The following SSX2IP variants were observed in gnomAD, a reference collection of about 807,000 sequenced individuals.
SSX2IP encodes afadin- and alpha-actinin-binding protein.
In SSX2IP, 55 loss-of-function variants were observed where a neutral mutation model predicts 84.9. That is an observed-to-expected ratio of 0.65 (90% confidence interval 0.52 to 0.81). The LOEUF is 0.81. Ranked by LOEUF, SSX2IP falls within the 30% of genes least tolerant of loss-of-function variation. The pLI, the probability that SSX2IP is intolerant of heterozygous loss-of-function variation, is 0.00. For missense variants in SSX2IP, 664 were observed against 705.2 expected (o/e 0.94, Z 0.66); for synonymous variants, 239 against 234.7 (o/e 1.02, Z -0.17).
Position 84,650,419 on chromosome 1 carries a change from G to C in SSX2IP, c.1613C>G (p.Pro538Arg). ...VCMSKLTKSLPASPSTSDFCQ... is the reference protein window; with the variant it reads ...VCMSKLTKSLRASPSTSDFCQ... ...AAAGTCTGAAGTGGAAGGTGAAGCA[G>C]GAAGAGATTTAGTAAGTTTAGACAT... is the stretch of plus-strand genomic sequence containing the variant. The change falls in exon 13 of 14, where the codon CCT (proline) becomes CGT (arginine). Residue 538 changes from proline (P) to arginine (R), a missense_variant. Coordinates refer to ENST00000342203, the MANE Select transcript of SSX2IP (RefSeq NM_001166293.2). The C allele has an allele frequency of 6.2e-7, 1 of 1,614,168 alleles. No individual in the cohort carries two copies. Among genetic ancestry groups the C allele is most frequent in the Non-Finnish European group, 8.5e-7 (1 of 1,180,020 alleles).
Position 84,669,788 on chromosome 1 carries a change from GC to G in SSX2IP, c.318del (p.Val108CysfsTer8). ...IVAVLNCMNE[L>X]LVLQRKNLLA... is the part of the protein sequence containing the mutation. The stretch of plus-strand genomic sequence containing the variant: ...AGAAGGTTCTTCCGCTGAAGCACAA[GC>G]AGCTCATTCATACAATTTAGTACAG... On this transcript the variant is annotated frameshift_variant, in exon 4 of 14. Transcript: ENST00000342203. LOFTEE classifies it high-confidence loss of function. The G allele has an allele frequency of 6.2e-7, 1 of 1,613,768 alleles. No homozygotes were observed. Among genetic ancestry groups the G allele is most frequent in the Non-Finnish European group, 8.5e-7 (1 of 1,179,774 alleles).
At chr1:84,665,594 G>A (rs1165832930) in intron 5 of SSX2IP, among the ~76,000 whole-genome samples, 3 of 151,748 alleles carry the variant, frequency 2.0e-5, no homozygotes, top group East Asian at 3.8e-4. Context: ...AACCACTAAA[G>A]TAGAAATTAG....
chr1:84,676,719 CTT>C (rs61017474), intron 1 of SSX2IP, among the ~76,000 whole-genome samples: 1,029 of 99,458 alleles, frequency 0.01, 11 homozygotes, highest in African/African-American at 0.036. Context: ...TGCTCTTTTC[CTT>C]TTTTTTTTTT....
At chr1:84,655,682 C>T in intron 11 of SSX2IP, 150 bp downstream of exon 11, 1 of 1,437,460 alleles carries the variant, frequency 7.0e-7, no homozygotes, top group Non-Finnish European at 9.2e-7. Flanking sequence ...ATATGCTCAG[C>T]CTCCCTCTCA....
chr1:84,658,241 C>T lies in SSX2IP; in HGVS notation c.1078+77G>A, dbSNP rs551407164. 7.8e-6 allele frequency: 12 copies of T among 1,547,430 alleles called. No individual in the cohort carries two copies. The African/African-American group carries it at 1.1e-4, about 14-fold the overall frequency. On this transcript the variant is annotated intron_variant, in intron 9 of 13. Transcript: ENST00000342203. The stretch of plus-strand genomic sequence containing the variant: ...GTACTTTAGCTCTGAGCCTATAATG[C>T]GGCTTTCTAAGTGACTAAAAATCAA...
chr1:84,657,590 G>C (rs534760041), intron 9 of SSX2IP, among the ~76,000 whole-genome samples: 11 of 152,148 alleles, frequency 7.2e-5, no homozygotes, highest in African/African-American at 2.4e-4. Flanking sequence ...TCTCTTTTTG[G>C]GGGGGAACAG....
At chr1:84,670,049 T>G in intron 3 of SSX2IP, 156 bp from the exon 4 acceptor site, 1 of 572,502 alleles carries the variant, frequency 1.7e-6, no homozygotes. Context: ...TTCCTGAAAT[T>G]GCTGAGCAAG....
At chr1:84,649,657 A>G in intron 13 of SSX2IP, 1 of 232,674 alleles carries the variant, frequency 4.3e-6, no homozygotes, top group Non-Finnish European at 8.6e-6. Context: ...TTACCACCAT[A>G]CTTTCCAACT....
At chr1:84,684,074 T>C (rs977573962) in intron 1 of SSX2IP, among the ~76,000 whole-genome samples, 11 of 152,212 alleles carry the variant, frequency 7.2e-5, no homozygotes, top group Admixed American at 7.2e-4. Flanking sequence ...ACTAAAGGCA[T>C]TGGAAATAAC....
At position 84,655,949 on chromosome 1, in the gene SSX2IP, A is replaced by G. The variant is rs1318368978; in HGVS notation, c.1272T>C (p.Tyr424=). 5 of 1,613,674 alleles carry G rather than the reference A, an allele frequency of 3.1e-6. No individual in the cohort carries two copies. The African/African-American group carries it at 5.3e-5, about 17-fold the overall frequency. The change falls in exon 11 of 14, where the codon TAT becomes TAC. Residue 424 remains tyrosine, a synonymous_variant. Coordinates refer to ENST00000342203, the MANE Select transcript of SSX2IP (RefSeq NM_001166293.2). ...DDTTSLLRDC[Y]LLEEKERLKE... ...TGAGACGTTCCTTTTCTTCCAACAA[A>G]TAACAGTCTCGTAATAGTGAAGTGG...
At chr1:84,689,092 A>G (rs1235157840) in intron 1 of SSX2IP, among the ~76,000 whole-genome samples, 1 of 152,240 alleles carries the variant, frequency 6.6e-6, no homozygotes, top group African/African-American at 2.4e-5. Context: ...CTGTAGGTTG[A>G]TAGTTTTAGG....
At chr1:84,682,333 T>C (rs1375559092) in intron 1 of SSX2IP, among the ~76,000 whole-genome samples, 1 of 152,208 alleles carries the variant, frequency 6.6e-6, no homozygotes, top group Admixed American at 6.5e-5. Context: ...ACTTCTGTTA[T>C]GTACTGAGAA....
chr1:84,676,263 T>C lies in SSX2IP; in HGVS notation c.-89-4955A>G, dbSNP rs189162905. Among the ~76,000 whole-genome samples, 8 of 152,340 alleles carry C rather than the reference T, an allele frequency of 5.3e-5. No homozygotes were observed. The East Asian group carries it at 5.8e-4, about 11-fold the overall frequency. On this transcript the variant is annotated intron_variant, in intron 1 of 13. Coordinates refer to ENST00000342203, the MANE Select transcript of SSX2IP (RefSeq NM_001166293.2). ...TAAAGTAATCCATAAATAAGAGACA[T>C]AGTTTTGTTCATTAGCGGTAGGTAA...
At chr1:84,652,711 C>T (rs141258529) in intron 11 of SSX2IP, among the ~76,000 whole-genome samples, 2 of 151,088 alleles carry the variant, frequency 1.3e-5, no homozygotes, top group African/African-American at 4.9e-5. Flanking sequence ...GCCTGGGCAA[C>T]AAAGCAAGGC....
intron 1 of SSX2IP, among the ~76,000 whole-genome samples, chr1:84,684,472 A>C (rs1367625974): frequency 6.6e-6 from 1 of 152,250 alleles, no homozygotes; most frequent in Non-Finnish European, 1.5e-5. Context: ...GGCTGAAAAT[A>C]ACAGTCCTAG....
intron 6 of SSX2IP, 95 bp from the exon 7 acceptor site, chr1:84,662,625 C>G: frequency 7.7e-7 from 1 of 1,301,714 alleles, no homozygotes; most frequent in Non-Finnish European, 1.1e-6. Flanking sequence ...TGAAAGTGAA[C>G]CTGGTATATA....
intron 8 of SSX2IP, among the ~76,000 whole-genome samples, chr1:84,659,520 G>A (rs1007985331): frequency 6.6e-6 from 1 of 152,268 alleles, no homozygotes; most frequent in Admixed American, 6.5e-5. Context: ...TATTGGCCGG[G>A]CGCGGTGGCT....
rs1652109114 is a variant in SSX2IP, at chr1:84,662,251, GAA to G, written c.872_873del (p.Leu291ProfsTer9). ...LQQMKKEMIS[L>X]LSPQKKKPRE... ...CTAGGTTTCTTCTTTTGGGGAGAAA[GAA>G]GAGAAATCATTTCCTTTTTCATTTG... On this transcript the variant is annotated frameshift_variant, in exon 8 of 14. Coordinates refer to ENST00000342203, the MANE Select transcript of SSX2IP (RefSeq NM_001166293.2). LOFTEE classifies it high-confidence loss of function. The G allele has an allele frequency of 1.2e-6, 2 of 1,608,484 alleles. No homozygotes were observed. The highest frequency in any genetic ancestry group is 1.3e-5 in the African/African-American group (1 of 74,546).
chr1:84,663,041 T>C (rs970478287), intron 6 of SSX2IP, among the ~76,000 whole-genome samples: 7 of 152,106 alleles, frequency 4.6e-5, no homozygotes, highest in Admixed American at 4.6e-4. Flanking sequence ...AACAAATAAG[T>C]TGTAGATCCC....
Sources: allele counts gnomAD v4.1 joint callset (sites outside exome capture counted in the v4.1 genomes callset), GRCh38; gene constraint gnomAD v4.1.1; transcripts MANE v1.5; gene names NCBI Gene and HGNC (gene_info 2026-07-23, HGNC 2026-07-21).